CARMIL1: variants seen among roughly 807,000 people sequenced by gnomAD.
CARMIL1 encodes capping protein regulator and myosin 1 linker 1.
A neutral mutation model predicts 177.1 loss-of-function variants in CARMIL1; 90 were observed. That is an observed-to-expected ratio of 0.51 (90% CI 0.43 to 0.61). The LOEUF is 0.61. Among genes scored for constraint, CARMIL1 ranks in the 20% least tolerant of loss-of-function variants. The pLI, the probability that CARMIL1 is intolerant of heterozygous loss-of-function variation, is 0.00. For missense variants in CARMIL1, 1,380 were observed against 1,667.0 expected, an observed-to-expected ratio of 0.83 and a Z score of 3.00; for synonymous variants, 577 against 606.2, an observed-to-expected ratio of 0.95 and a Z score of 0.71.
At chr6:25,338,960 A>G (rs1220714817) in intron 2 of CARMIL1, among the ~76,000 whole-genome samples, 1 of 152,046 alleles carries the variant, frequency 6.6e-6, no homozygotes, top group African/African-American at 2.4e-5. Context: ...GAGGGTCCCT[A>G]AAGGCTATAT....
intron 36 of CARMIL1, among the ~76,000 whole-genome samples, chr6:25,616,803 G>T (rs1481858773): frequency 2.0e-5 from 3 of 152,190 alleles, no homozygotes; most frequent in Non-Finnish European, 4.4e-5. Flanking sequence ...CTACAAAGTT[G>T]TTCACATTAG....
intron 32 of CARMIL1, among the ~76,000 whole-genome samples, chr6:25,595,206 C>T (rs1159468346): frequency 6.6e-6 from 1 of 152,158 alleles, no homozygotes; most frequent in Non-Finnish European, 1.5e-5. Context: ...TTATTTAATC[C>T]TCAACTAAAT....
At chr6:25,563,477 G>T (rs1811307116) in intron 29 of CARMIL1, 1 of 985,434 alleles carries the variant, frequency 1.0e-6, no homozygotes, top group Non-Finnish European at 1.2e-6. Flanking sequence ...AAGAGGACTT[G>T]TTTACCCAGG....
chr6:25,554,451 A>G lies in CARMIL1; in HGVS notation c.2592+355A>G, dbSNP rs899580801. Among the ~76,000 whole-genome samples the G allele has an allele frequency of 3.9e-5, 6 of 152,212 alleles. No homozygotes were observed. The highest frequency in any genetic ancestry group is 8.8e-5 in the Non-Finnish European group (6 of 68,038). On this transcript the variant is annotated intron_variant, in intron 28 of 36. Transcript: ENST00000329474. The surrounding 1 kb of genome is among the most constrained non-coding windows in gnomAD (Gnocchi z 4.6). ...TTGTTGTTGATATGATTATTTGATA[A>G]TGGACTATTCTAAAAACATGGGAGA...
chr6:25,501,330 G>A (rs1804311195), intron 17 of CARMIL1, among the ~76,000 whole-genome samples: 1 of 152,028 alleles, frequency 6.6e-6, no homozygotes, highest in Non-Finnish European at 1.5e-5. Flanking sequence ...CTCTCTTTGA[G>A]GAATTAACTC....
At chr6:25,280,725 G>C (rs938698400) in intron 1 of CARMIL1, among the ~76,000 whole-genome samples, 1 of 152,044 alleles carries the variant, frequency 6.6e-6, no homozygotes, top group African/African-American at 2.4e-5. Flanking sequence ...GCATGTATAT[G>C]TGTGTAGCAT....
In CARMIL1 at chr6:25,435,596, C is replaced by T. The variant is rs527411646; in HGVS notation, c.363C>T (p.Leu121=). ...GCCTGAGGAAGATATTTCCTGGCCTCTCTCCAGTGTGAGTTTCCCTGGGCA... is the reference window on the plus strand; with the variant it reads ...GCCTGAGGAAGATATTTCCTGGCCTTTCTCCAGTGTGAGTTTCCCTGGGCA... ...GTCLRKIFPG[L]SPVRIMKKVS... Residue 121 remains leucine, a synonymous_variant, in exon 5 of 37, where the codon CTC becomes CTT. Coordinates refer to ENST00000329474, the MANE Select transcript of CARMIL1 (RefSeq NM_017640.6). 1 of 1,576,614 alleles carries T rather than the reference C, an allele frequency of 6.3e-7. No individual in the cohort carries two copies. Among genetic ancestry groups the T allele is most frequent in the Non-Finnish European group, 8.6e-7 (1 of 1,160,118 alleles).
At chr6:25,546,730 A>G (rs111362790) in intron 26 of CARMIL1, among the ~76,000 whole-genome samples, 337 of 151,892 alleles carry the variant, frequency 2.2e-3, no homozygotes, top group African/African-American at 7.7e-3. Context: ...GTTAGAAAAT[A>G]TCATTAAAAA....
At chr6:25,472,920 A>C (rs1367964927) in intron 11 of CARMIL1, among the ~76,000 whole-genome samples, 2 of 152,172 alleles carry the variant, frequency 1.3e-5, no homozygotes, top group Admixed American at 1.3e-4. Flanking sequence ...GCAAGTTGTC[A>C]GCAAGGGTTG....
At chr6:25,392,593 C>T (rs1562077877) in intron 2 of CARMIL1, among the ~76,000 whole-genome samples, 1 of 152,096 alleles carries the variant, frequency 6.6e-6, no homozygotes. Context: ...GGACTGACTC[C>T]AGGGGATGGC....
At chr6:25,298,856 G>A (rs1244909633) in intron 2 of CARMIL1, among the ~76,000 whole-genome samples, 1 of 151,070 alleles carries the variant, frequency 6.6e-6, no homozygotes, top group East Asian at 2.0e-4. Context: ...CTGGGTTCAA[G>A]CGATTCTCCT....
At chr6:25,494,735 T>C (rs76623649) in intron 15 of CARMIL1, among the ~76,000 whole-genome samples, 4,044 of 152,330 alleles carry the variant, frequency 0.027, 137 homozygotes, top group African/African-American at 0.083. Flanking sequence ...AATGCAGATA[T>C]TGATCTCTAA....
chr6:25,435,239 C>T (rs773782906), intron 4 of CARMIL1, among the ~76,000 whole-genome samples: 1 of 152,082 alleles, frequency 6.6e-6, no homozygotes, highest in Non-Finnish European at 1.5e-5. Context: ...AAATTAAGTG[C>T]ATTATTTTAA....
Position 25,386,291 on chromosome 6 carries a change from C to T in CARMIL1, c.139-33823C>T, listed in dbSNP as rs1213650857. Reference sequence around the variant, plus strand: ...TGGTGAGGACGGAATCTTGCTCTGTCGCCCAGGCTGGAGTGCAGAGGCTCA... The same window carrying T: ...TGGTGAGGACGGAATCTTGCTCTGTTGCCCAGGCTGGAGTGCAGAGGCTCA... On this transcript the variant is annotated intron_variant, in intron 2 of 36. Transcript: ENST00000329474. Among the ~76,000 whole-genome samples, 8 of 152,184 alleles carry T rather than the reference C, an allele frequency of 5.3e-5. No individual in the cohort carries two copies. The South Asian group carries it at 6.2e-4, about 12-fold the overall frequency.
At chr6:25,466,611 C>G (rs1156730300) in intron 9 of CARMIL1, among the ~76,000 whole-genome samples, 1 of 152,146 alleles carries the variant, frequency 6.6e-6, no homozygotes, top group South Asian at 2.1e-4. Flanking sequence ...TATATGTTTT[C>G]CTGGAGACTC....
intron 5 of CARMIL1, among the ~76,000 whole-genome samples, chr6:25,442,724 T>C (rs975309829): frequency 6.6e-6 from 1 of 152,172 alleles, no homozygotes; most frequent in Admixed American, 6.5e-5. Flanking sequence ...TCCTGAAATC[T>C]CAGTTGAAAA....
At chr6:25,608,205 T>C (rs893832808) in intron 35 of CARMIL1, among the ~76,000 whole-genome samples, 14 of 152,146 alleles carry the variant, frequency 9.2e-5, no homozygotes, top group African/African-American at 3.4e-4. Context: ...TTATCCAAGG[T>C]TTTGCTTTTT....
intron 8 of CARMIL1, among the ~76,000 whole-genome samples, chr6:25,458,325 A>C (rs1799713448): frequency 6.6e-6 from 1 of 152,066 alleles, no homozygotes; most frequent in South Asian, 2.1e-4. Context: ...ATGCTCCACT[A>C]AAAATACAAA....
At chr6:25,479,241 T>A (rs1375547340) in intron 11 of CARMIL1, 1 of 518,892 alleles carries the variant, frequency 1.9e-6, no homozygotes, top group East Asian at 5.4e-5. Flanking sequence ...TCTCTCATGA[T>A]GGATGAGCTT....
Sources: gnomAD v4.1 joint callset for allele counts (sites outside exome capture counted in the v4.1 genomes callset) on GRCh38, gnomAD v4.1.1 for gene constraint, Gnocchi (gnomAD v3.1) non-coding constraint, MANE v1.5 for transcripts, NCBI Gene and HGNC (gene_info 2026-07-23, HGNC 2026-07-21) for gene names.